The following ELOVL5 variants were observed in gnomAD, a reference collection of about 807,000 sequenced individuals.
ELOVL5 encodes ELOVL fatty acid elongase 5, also known as very long chain fatty acid elongase 5.
In ELOVL5, 8 loss-of-function variants were observed where a neutral mutation model predicts 38.6. The ratio of observed to expected loss-of-function variants is 0.21; its 90% CI spans 0.12 to 0.37. The LOEUF (loss-of-function observed/expected upper bound fraction) is 0.37. ELOVL5 is among the 10% of genes least tolerant of loss of function. The pLI is 1.00. For missense variants in ELOVL5, 280 were observed against 367.8 expected (o/e 0.76, Z 1.95); for synonymous variants, 127 against 133.7 (o/e 0.95, Z 0.34).
At chr6:53,274,273 C>T (rs1311961168) in intron 5 of ELOVL5, among the ~76,000 whole-genome samples, 1 of 152,080 alleles carries the variant, frequency 6.6e-6, no homozygotes, top group African/African-American at 2.4e-5. Flanking sequence ...CTCTACCCAC[C>T]TTTCTGTGGT....
intron 1 of ELOVL5, among the ~76,000 whole-genome samples, chr6:53,304,164 TGAG>T (rs2127579197): frequency 6.6e-6 from 1 of 152,302 alleles, no homozygotes; most frequent in East Asian, 1.9e-4. Context: ...ATACTATAAA[TGAG>T]GAGATACACC....
At chr6:53,327,687 C>G (rs1768609217) in intron 1 of ELOVL5, among the ~76,000 whole-genome samples, 1 of 152,222 alleles carries the variant, frequency 6.6e-6, no homozygotes, top group South Asian at 2.1e-4. Flanking sequence ...ATGTAAATTA[C>G]ACTTCAATTG....
chr6:53,324,252 CAAAAA>C (rs59453946), intron 1 of ELOVL5, among the ~76,000 whole-genome samples: 1 of 110,356 alleles, frequency 9.1e-6, no homozygotes, highest in Non-Finnish European at 1.8e-5. Context: ...GACTCTACCT[CAAAAA>C]AAAAAAAAAA....
At chr6:53,339,251 C>T (rs1769216306) in intron 1 of ELOVL5, among the ~76,000 whole-genome samples, 1 of 152,152 alleles carries the variant, frequency 6.6e-6, no homozygotes, top group African/African-American at 2.4e-5. Flanking sequence ...GTTCAGATTC[C>T]ATGTGAATAT....
At chr6:53,293,085 G>A (rs1458563724) in intron 2 of ELOVL5, among the ~76,000 whole-genome samples, 1 of 152,034 alleles carries the variant, frequency 6.6e-6, no homozygotes, top group Admixed American at 6.5e-5. Context: ...TGTGTCCCCT[G>A]AAAGATTCAG....
At chr6:53,285,112 T>C (rs1222281734) in intron 3 of ELOVL5, among the ~76,000 whole-genome samples, 1 of 152,160 alleles carries the variant, frequency 6.6e-6, no homozygotes, top group Non-Finnish European at 1.5e-5. Context: ...ATGATTAAGC[T>C]TAGTGAGGAA....
chr6:53,270,716 C>A lies in ELOVL5; in HGVS notation c.633G>T (p.Val211=). 6.2e-7 allele frequency: 1 copy of A among 1,614,154 alleles called. No individual in the cohort carries two copies. The highest frequency in any genetic ancestry group is 8.5e-7 in the Non-Finnish European group (1 of 1,180,016). ...YITQGQLLQF[V]LTIIQTSCGV... Reference sequence around the variant, plus strand: ...CGCAGCTGGTCTGGATGATTGTCAGCACAAACTGAAGCTAGGGGAACAGAG... The same window carrying A: ...CGCAGCTGGTCTGGATGATTGTCAGAACAAACTGAAGCTAGGGGAACAGAG... The change falls in exon 7 of 8, where the codon GTG becomes GTT. Residue 211 remains valine, a synonymous_variant. Coordinates refer to ENST00000304434, the MANE Select transcript of ELOVL5 (RefSeq NM_021814.5).
At chr6:53,277,188 G>A (rs1309898390) in intron 3 of ELOVL5, 1 of 153,722 alleles carries the variant, frequency 6.5e-6, no homozygotes, top group African/African-American at 2.4e-5. Context: ...GACACCTTGT[G>A]ATATTTCCAC....
chr6:53,333,707 C>T (rs765708353), intron 1 of ELOVL5, among the ~76,000 whole-genome samples: 4 of 152,106 alleles, frequency 2.6e-5, no homozygotes, highest in Non-Finnish European at 4.4e-5. Flanking sequence ...ACCTTATTTC[C>T]CTTTCTGGAG....
chr6:53,343,508 C>T (rs184608543), intron 1 of ELOVL5, among the ~76,000 whole-genome samples: 1 of 152,310 alleles, frequency 6.6e-6, no homozygotes, highest in East Asian at 1.9e-4. Context: ...CCACCGTGCC[C>T]AGCCAACATC....
At chr6:53,286,406 T>TA (rs1766572856) in intron 3 of ELOVL5, among the ~76,000 whole-genome samples, 1 of 151,670 alleles carries the variant, frequency 6.6e-6, no homozygotes, top group African/African-American at 2.4e-5. Flanking sequence ...CTACCAAAAA[T>TA]AAAAAAATTA....
intron 1 of ELOVL5, among the ~76,000 whole-genome samples, chr6:53,333,227 C>T (rs1286391244): frequency 6.6e-6 from 1 of 152,230 alleles, no homozygotes; most frequent in Non-Finnish European, 1.5e-5. Flanking sequence ...CATGAAGAAA[C>T]TCAGTGCTTT....
intron 1 of ELOVL5, among the ~76,000 whole-genome samples, chr6:53,311,260 GCT>G (rs1767817284): frequency 1.3e-5 from 2 of 152,196 alleles, no homozygotes; most frequent in South Asian, 4.1e-4. Context: ...TGCCAAAACA[GCT>G]CTTTTTAAAA....
intron 1 of ELOVL5, among the ~76,000 whole-genome samples, chr6:53,330,517 CTTTTTTT>C (rs757160862): frequency 6.6e-5 from 6 of 91,394 alleles, no homozygotes; most frequent in Non-Finnish European, 1.2e-4. Flanking sequence ...TCTTTATAAA[CTTTTTTT>C]TTTTTTTTTT....
At chr6:53,314,213 T>C (rs776806943) in intron 1 of ELOVL5, among the ~76,000 whole-genome samples, 2 of 152,374 alleles carry the variant, frequency 1.3e-5, no homozygotes, top group African/African-American at 4.8e-5. Context: ...ATATTCCGAC[T>C]GGCTAATATG....
chr6:53,335,815 T>C (rs555195055), intron 1 of ELOVL5, among the ~76,000 whole-genome samples: 8 of 152,312 alleles, frequency 5.3e-5, no homozygotes, highest in African/African-American at 1.9e-4. Flanking sequence ...AGCAAAGTTA[T>C]CTGGAGGCTG....
At chr6:53,348,377 G>A (rs892663154) in intron 1 of ELOVL5, among the ~76,000 whole-genome samples, 2 of 149,906 alleles carry the variant, frequency 1.3e-5, no homozygotes, top group African/African-American at 4.9e-5. Flanking sequence ...CAAAGAAAGC[G>A]CGCTCCCTCC....
chr6:53,305,119 T>C (rs1271910580), intron 1 of ELOVL5, among the ~76,000 whole-genome samples: 1 of 117,074 alleles, frequency 8.5e-6, no homozygotes, highest in African/African-American at 3.3e-5. Context: ...CCCCCCCACC[T>C]CCCTCCCAGA....
At chr6:53,302,080 T>C (rs1581951577) in intron 1 of ELOVL5, among the ~76,000 whole-genome samples, 1 of 152,160 alleles carries the variant, frequency 6.6e-6, no homozygotes, top group East Asian at 1.9e-4. Flanking sequence ...TCCTTGGGCC[T>C]GAATTCGAGA....
Sources: gnomAD v4.1 joint callset for allele counts (sites outside exome capture counted in the v4.1 genomes callset) on GRCh38, gnomAD v4.1.1 for gene constraint, MANE v1.5 for transcripts, NCBI Gene and HGNC (gene_info 2026-07-23, HGNC 2026-07-21) for gene names.